LRMDA: variants seen among roughly 807,000 people sequenced by gnomAD.
LRMDA encodes leucine rich melanocyte differentiation associated.
A neutral mutation model predicts 29.8 loss-of-function variants in LRMDA; 18 were observed. The observed-to-expected ratio is 0.60, with a 90% CI of 0.42 to 0.90. The LOEUF (loss-of-function observed/expected upper bound fraction) is 0.90, where lower values mean the gene tolerates loss of function less well. Ranked by LOEUF, LRMDA falls within the 40% of genes least tolerant of loss-of-function variation. The pLI, the probability that LRMDA is intolerant of heterozygous loss-of-function variation, is 0.00. For synonymous variants in LRMDA, 125 were observed against 109.4 expected, an observed-to-expected ratio of 1.14 and a Z score of -0.89; for missense variants, 273 against 273.9, an observed-to-expected ratio of 1.00 and a Z score of 0.02.
chr10:76,097,327 T>C (rs1849328535), intron 5 of LRMDA, among the ~76,000 whole-genome samples: 3 of 152,210 alleles, frequency 2.0e-5, no homozygotes, highest in South Asian at 4.1e-4. Flanking sequence ...TGCTTTTAAA[T>C]AGAGACAGTT....
At chr10:75,686,363 G>A (rs903851180) in intron 2 of LRMDA, among the ~76,000 whole-genome samples, 19 of 152,118 alleles carry the variant, frequency 1.2e-4, no homozygotes, top group Non-Finnish European at 2.5e-4. Flanking sequence ...TTAAGTGTGA[G>A]GCTTTCTCAG....
chr10:75,581,600 T>C (rs1402715194), intron 2 of LRMDA, among the ~76,000 whole-genome samples: 2 of 152,182 alleles, frequency 1.3e-5, no homozygotes, highest in African/African-American at 4.8e-5. Context: ...CATTGTACTA[T>C]GCAGCCATAA....
In LRMDA at chr10:76,214,330, A is replaced by ATTTTTTTT. The variant is rs753986574; in HGVS notation, c.517-110053_517-110046dup. Among the ~76,000 whole-genome samples the ATTTTTTTT allele has an allele frequency of 3.0e-4, 26 of 87,240 alleles. 2 individuals are homozygous for ATTTTTTTT. The highest frequency in any genetic ancestry group is 1.0e-3 in the African/African-American group (21 of 20,034). 57.2% of individuals were successfully genotyped at this position (87,240 alleles called of 152,430 possible). On this transcript the variant is annotated intron_variant, in intron 5 of 6. Coordinates refer to ENST00000611255, the MANE Select transcript of LRMDA (RefSeq NM_001305581.2). ...TACTGTAAGATGTCACTTGAACCAAATTTTTTTTTTTTTTTTTTTTTTTTT... is the reference window on the plus strand; with the variant it reads ...TACTGTAAGATGTCACTTGAACCAAATTTTTTTTTTTTTTTTTTTTTTTTTTTTTTTTT...
intron 2 of LRMDA, among the ~76,000 whole-genome samples, chr10:75,680,935 G>A (rs1013793124): frequency 2.0e-5 from 3 of 152,130 alleles, no homozygotes; most frequent in African/African-American, 4.8e-5. Context: ...TTCAGTTAAC[G>A]TGATGGTGGG....
intron 5 of LRMDA, among the ~76,000 whole-genome samples, chr10:76,181,170 C>T (rs771393090): frequency 1.3e-4 from 20 of 152,212 alleles, no homozygotes; most frequent in Non-Finnish European, 2.8e-4. Flanking sequence ...CACCCTTCTC[C>T]CTTTTTGCAG....
At chr10:75,573,551 C>T (rs1227607037) in intron 2 of LRMDA, among the ~76,000 whole-genome samples, 1 of 152,058 alleles carries the variant, frequency 6.6e-6, no homozygotes, top group African/African-American at 2.4e-5. Context: ...ATTCTCCTTT[C>T]AGTTGTATCT....
intron 2 of LRMDA, among the ~76,000 whole-genome samples, chr10:75,471,420 TA>T (rs1844724871): frequency 6.6e-6 from 1 of 152,154 alleles, no homozygotes; most frequent in South Asian, 2.1e-4. Flanking sequence ...TTAAAACTTT[TA>T]GCAACCCTAA....
rs540092679 is a variant in LRMDA at position 76,182,524 on chromosome 10, C to T, written c.516+123741C>T. Among the ~76,000 whole-genome samples the T allele has an allele frequency of 2.0e-3, 311 of 152,210 alleles. 1 individual carries two copies. Among genetic ancestry groups the T allele is most frequent in the African/African-American group, 4.2e-3 (175 of 41,526 alleles). On this transcript the variant is annotated intron_variant, in intron 5 of 6. Coordinates refer to ENST00000611255, the MANE Select transcript of LRMDA (RefSeq NM_001305581.2). ...GCTATTGTAGCTGGACCATCATTGCCGGTGCCTCCTGGGAAGCAGATGGGA... is the reference window on the plus strand; with the variant it reads ...GCTATTGTAGCTGGACCATCATTGCTGGTGCCTCCTGGGAAGCAGATGGGA...
At chr10:75,490,738 G>T (rs1404561105) in intron 2 of LRMDA, among the ~76,000 whole-genome samples, 3 of 152,128 alleles carry the variant, frequency 2.0e-5, no homozygotes, top group Non-Finnish European at 4.4e-5. Flanking sequence ...CCATCTATGT[G>T]ACCCTACCAC....
intron 2 of LRMDA, among the ~76,000 whole-genome samples, chr10:75,615,820 G>A (rs1841090836): frequency 6.6e-6 from 1 of 152,166 alleles, no homozygotes; most frequent in African/African-American, 2.4e-5. Context: ...AGATGAGATG[G>A]TTGGCTTTGG....
intron 5 of LRMDA, among the ~76,000 whole-genome samples, chr10:76,168,243 T>A (rs1176340854): frequency 6.6e-6 from 1 of 152,192 alleles, no homozygotes; most frequent in Non-Finnish European, 1.5e-5. Context: ...CCACATCTAT[T>A]TCCTGAAACA....
intron 6 of LRMDA, among the ~76,000 whole-genome samples, chr10:76,386,184 G>T (rs1841657508): frequency 6.6e-6 from 1 of 152,192 alleles, no homozygotes; most frequent in African/African-American, 2.4e-5. Flanking sequence ...GACAAGGATA[G>T]GGTCTTCTTA....
At chr10:75,659,364 T>C (rs1841720422) in intron 2 of LRMDA, among the ~76,000 whole-genome samples, 1 of 152,222 alleles carries the variant, frequency 6.6e-6, no homozygotes, top group Non-Finnish European at 1.5e-5. Context: ...TTCCTCTCTT[T>C]TTTTTTCTTT....
rs547400830 is a variant in LRMDA, at chr10:76,126,471, TCA to T, written c.516+67689_516+67690del. Reference sequence around the variant, plus strand: ...TTATAGAACTGCTGGTAGGATTCTTTCAGATAGCAAGGAGAATATTGCAATGA... The same window carrying T: ...TTATAGAACTGCTGGTAGGATTCTTTGATAGCAAGGAGAATATTGCAATGA... On this transcript the variant is annotated intron_variant, in intron 5 of 6. Coordinates refer to ENST00000611255, the MANE Select transcript of LRMDA (RefSeq NM_001305581.2). Among the ~76,000 whole-genome samples, 29 of 152,300 alleles carry T rather than the reference TCA, an allele frequency of 1.9e-4. No individual in the cohort carries two copies. In the East Asian group the frequency reaches 4.1e-3, roughly 21 times the overall value.
chr10:76,001,464 T>C (rs574149614), intron 2 of LRMDA, among the ~76,000 whole-genome samples: 13 of 152,214 alleles, frequency 8.5e-5, no homozygotes, highest in Non-Finnish European at 1.5e-4. Flanking sequence ...GGATGGATTT[T>C]AAAAATCATT....
chr10:75,714,657 G>T (rs1240541723), intron 2 of LRMDA, among the ~76,000 whole-genome samples: 2 of 152,144 alleles, frequency 1.3e-5, no homozygotes, highest in Non-Finnish European at 2.9e-5. Flanking sequence ...CATGCTGTTG[G>T]GCATTTAGGC....
chr10:75,434,171 C>T (rs1028605470), intron 1 of LRMDA, among the ~76,000 whole-genome samples: 1 of 152,172 alleles, frequency 6.6e-6, no homozygotes, highest in Non-Finnish European at 1.5e-5. Context: ...GGAATTTGGG[C>T]ACTGAAATCT....
chr10:75,916,896 A>G (rs1356363450), intron 2 of LRMDA, among the ~76,000 whole-genome samples: 2 of 152,210 alleles, frequency 1.3e-5, no homozygotes, highest in East Asian at 3.8e-4. Flanking sequence ...TGTGAATCTC[A>G]TTAGCCTTTT....
intron 5 of LRMDA, among the ~76,000 whole-genome samples, chr10:76,315,418 T>A (rs1840680565): frequency 6.6e-6 from 1 of 152,168 alleles, no homozygotes; most frequent in South Asian, 2.1e-4. Context: ...CCAGCGGGCT[T>A]GGAAGTGCCT....
Sources: gnomAD v4.1 joint callset for allele counts (sites outside exome capture counted in the v4.1 genomes callset) on GRCh38, gnomAD v4.1.1 for gene constraint, MANE v1.5 for transcripts, NCBI Gene and HGNC (gene_info 2026-07-23, HGNC 2026-07-21) for gene names.